PRSS23: variants seen among roughly 807,000 people sequenced by gnomAD.
PRSS23 encodes serine protease 23.
Under a neutral mutation model 34.7 loss-of-function variants are expected in PRSS23, and 25 were observed. The observed-to-expected ratio is 0.72, with a 90% CI of 0.53 to 1.01. PRSS23 has a LOEUF of 1.01. Among genes scored for constraint, PRSS23 ranks in the 50% least tolerant of loss-of-function variants. The pLI, the probability that PRSS23 is intolerant of heterozygous loss-of-function variation, is 0.00. For missense variants in PRSS23, 445 were observed against 475.6 expected (o/e 0.94, Z 0.60); for synonymous variants, 176 against 186.6 (o/e 0.94, Z 0.46).
intron 2 of PRSS23, among the ~76,000 whole-genome samples, chr11:86,903,075 C>T (rs966089439): frequency 1.3e-5 from 2 of 152,110 alleles, no homozygotes; most frequent in Non-Finnish European, 2.9e-5. Context: ...AAGAACTTTT[C>T]CTGCTACCAT....
At chr11:86,924,728 G>C (rs1237750425) in intron 2 of PRSS23, among the ~76,000 whole-genome samples, 1 of 152,210 alleles carries the variant, frequency 6.6e-6, no homozygotes, top group Non-Finnish European at 1.5e-5. Flanking sequence ...TTGAGTTGAA[G>C]AGTAGGAAAG....
At chr11:86,935,625 T>C (rs2135020483) in intron 2 of PRSS23, 1 of 152,318 alleles carries the variant, frequency 6.6e-6, no homozygotes, top group South Asian at 2.1e-4. Flanking sequence ...CCCCAAATGT[T>C]GTAATTACCC....
At chr11:86,898,191 C>G (rs1948889016) in intron 2 of PRSS23, among the ~76,000 whole-genome samples, 1 of 152,168 alleles carries the variant, frequency 6.6e-6, no homozygotes, top group Admixed American at 6.5e-5. Context: ...TAATCTAGGT[C>G]AGTGTTTATA....
At chr11:86,841,357 A>C (rs1289338961) in intron 2 of PRSS23, among the ~76,000 whole-genome samples, 1 of 126,416 alleles carries the variant, frequency 7.9e-6, no homozygotes, top group Non-Finnish European at 1.7e-5. Flanking sequence ...AAAAAAGAAG[A>C]AGAAAAAAAA....
chr11:86,888,288 A>G (rs1209165569), intron 2 of PRSS23, among the ~76,000 whole-genome samples: 1 of 152,224 alleles, frequency 6.6e-6, no homozygotes, highest in East Asian at 1.9e-4. Context: ...CTATTTTCTA[A>G]GAGGAAGAAA....
At chr11:86,872,310 T>C (rs918045448) in intron 2 of PRSS23, among the ~76,000 whole-genome samples, 2 of 152,236 alleles carry the variant, frequency 1.3e-5, no homozygotes, top group Non-Finnish European at 2.9e-5. Context: ...ATACAGAAAC[T>C]ATTTTCCAAA....
chr11:86,872,074 G>A (rs1948688624), intron 2 of PRSS23, among the ~76,000 whole-genome samples: 3 of 152,160 alleles, frequency 2.0e-5, no homozygotes, highest in Non-Finnish European at 4.4e-5. Flanking sequence ...GGGGTGTTCA[G>A]CAATTCACTT....
At chr11:86,927,642 C>T (rs574720450) in intron 2 of PRSS23, among the ~76,000 whole-genome samples, 3 of 152,260 alleles carry the variant, frequency 2.0e-5, no homozygotes, top group African/African-American at 4.8e-5. Flanking sequence ...CCACTGTGCC[C>T]GGCCTTACCT....
rs185165181 is a variant in PRSS23, at chr11:86,822,076, T to C, written c.-11-1301T>C. Among the ~76,000 whole-genome samples, 20 of 152,304 alleles carry C rather than the reference T, an allele frequency of 1.3e-4. No individual in the cohort carries two copies. The East Asian group carries it at 3.7e-3, about 28-fold the overall frequency. On this transcript the variant is annotated intron_variant, in intron 1 of 2. Coordinates refer to the PRSS23 transcript ENST00000533902. ...TTGTGATAACTAGAGATAATGAATA[T>C]AAAGTGACCAGTGAATTATCAAGCA...
chr11:86,906,826 C>T (rs1387891141), intron 2 of PRSS23, among the ~76,000 whole-genome samples: 1 of 152,144 alleles, frequency 6.6e-6, no homozygotes, highest in East Asian at 1.9e-4. Flanking sequence ...TTCTCAGCCA[C>T]AACCAGAGAT....
chr11:86,950,918 C>T, intron 2 of PRSS23: 1 of 605,010 alleles, frequency 1.7e-6, no homozygotes. Flanking sequence ...GCTTTGAAAG[C>T]CTCTAACTGG....
intron 1 of PRSS23, among the ~76,000 whole-genome samples, chr11:86,792,791 CAA>C (rs368242812): frequency 2.0e-5 from 3 of 149,498 alleles, no homozygotes; most frequent in African/African-American, 7.4e-5. Flanking sequence ...GACAGCAAGG[CAA>C]AAAAAAAGCA....
chr11:86,843,989 CA>C (rs1948468147), intron 2 of PRSS23, among the ~76,000 whole-genome samples: 1 of 152,210 alleles, frequency 6.6e-6, no homozygotes, highest in Non-Finnish European at 1.5e-5. Flanking sequence ...GCACTATTCA[CA>C]ATACCAAAGA....
downstream of PRSS23, among the ~76,000 whole-genome samples, chr11:86,813,360 G>A (rs895531154): frequency 1.3e-5 from 2 of 152,234 alleles, no homozygotes; most frequent in African/African-American, 2.4e-5. Flanking sequence ...AAGTGCAAGG[G>A]CCCCTGGCAG....
At chr11:86,939,615 T>C (rs1427195757) in intron 2 of PRSS23, among the ~76,000 whole-genome samples, 1 of 151,330 alleles carries the variant, frequency 6.6e-6, no homozygotes, top group East Asian at 1.9e-4. Flanking sequence ...ATTTATTTAA[T>C]AGAAATAATC....
chr11:86,808,214 C>T lies in PRSS23; in HGVS notation c.571C>T (p.Arg191Ter). ...KTYVKGTQKL[R>*]VGFLKPKFKD... Reference sequence around the variant, plus strand: ...CTATGTGAAAGGAACCCAGAAGCTTCGAGTGGGCTTCCTAAAGCCCAAGTT... The same window carrying T: ...CTATGTGAAAGGAACCCAGAAGCTTTGAGTGGGCTTCCTAAAGCCCAAGTT... The change falls in exon 2 of 2, where the codon CGA becomes TGA. Residue 191 changes from arginine to a stop codon, truncating the protein, a stop_gained. Transcript: ENST00000280258. LOFTEE classifies it high-confidence loss of function. The T allele has an allele frequency of 8.1e-6, 13 of 1,614,132 alleles. No individual in the cohort carries two copies. The highest frequency in any genetic ancestry group is 2.2e-5 in the East Asian group (1 of 44,880).
intron 2 of PRSS23, among the ~76,000 whole-genome samples, chr11:86,920,578 G>T (rs7129570): frequency 0.6 from 91,179 of 151,390 alleles, 27,778 homozygotes; most frequent in Non-Finnish European, 0.66. Context: ...AAATACGGAC[G>T]TTTACAGAAT....
intron 2 of PRSS23, among the ~76,000 whole-genome samples, chr11:86,870,567 G>T (rs996323307): frequency 8.5e-5 from 13 of 152,098 alleles, no homozygotes; most frequent in African/African-American, 1.4e-4. Context: ...AAACATTTTT[G>T]ACCTTTATAT....
chr11:86,875,027 A>G (rs1014479067), intron 2 of PRSS23, among the ~76,000 whole-genome samples: 5 of 152,164 alleles, frequency 3.3e-5, no homozygotes, highest in Non-Finnish European at 7.4e-5. Flanking sequence ...TTAGGACCCC[A>G]AGCATGATTG....
Sources: allele counts gnomAD v4.1 joint callset (sites outside exome capture counted in the v4.1 genomes callset), GRCh38; gene constraint gnomAD v4.1.1; transcripts MANE v1.5; gene names NCBI Gene and HGNC (gene_info 2026-07-23, HGNC 2026-07-21).